The following RALYL variants were observed in gnomAD, a reference collection of about 807,000 sequenced individuals.
RALYL encodes RNA-binding Raly-like protein.
RALYL carries 29 observed loss-of-function variants against 35.1 expected under a neutral mutation model. The ratio of observed to expected loss-of-function variants is 0.83; its 90% CI spans 0.61 to 1.13. The LOEUF is 1.13. Among genes scored for constraint, RALYL ranks in the 50% most tolerant of loss-of-function variants. The pLI is 0.00. For synonymous variants in RALYL, 120 were observed against 127.6 expected (o/e 0.94, Z 0.40); for missense variants, 359 against 360.4 (o/e 1.00, Z 0.03).
At chr8:84,544,726 A>G (rs1196496337) in intron 2 of RALYL, among the ~76,000 whole-genome samples, 1 of 152,066 alleles carries the variant, frequency 6.6e-6, no homozygotes, top group Non-Finnish European at 1.5e-5. Context: ...GATATTTTCA[A>G]CTATCTATCA....
At chr8:84,693,377 C>A (rs1482398468) in intron 2 of RALYL, among the ~76,000 whole-genome samples, 2 of 151,722 alleles carry the variant, frequency 1.3e-5, no homozygotes, top group African/African-American at 4.8e-5. Context: ...AAATGTCAAG[C>A]AAAAGGGGAA....
intron 2 of RALYL, among the ~76,000 whole-genome samples, chr8:84,595,739 CAG>C (rs1392464914): frequency 6.7e-6 from 1 of 148,600 alleles, no homozygotes; most frequent in Non-Finnish European, 1.5e-5. Context: ...TAGAAAATCA[CAG>C]AGAGTGAAGT....
chr8:84,770,168 C>A (rs1815082841), intron 2 of RALYL, among the ~76,000 whole-genome samples: 1 of 152,046 alleles, frequency 6.6e-6, no homozygotes, highest in Non-Finnish European at 1.5e-5. Context: ...ACACTAAACC[C>A]AATTTTTAGT....
chr8:84,380,057 TTG>T (rs60900204), intron 1 of RALYL, among the ~76,000 whole-genome samples: 7,169 of 146,670 alleles, frequency 0.049, 207 homozygotes, highest in Middle Eastern at 0.059. Flanking sequence ...CTTCTCAAAA[TTG>T]TGTGTGTGTG....
At chr8:84,407,777 C>T (rs1436209861) in intron 1 of RALYL, among the ~76,000 whole-genome samples, 4 of 152,040 alleles carry the variant, frequency 2.6e-5, no homozygotes, top group Non-Finnish European at 4.4e-5. Flanking sequence ...ATACATTTTT[C>T]ATCAGAATAA....
At chr8:84,299,084 T>C (rs913252559) in intron 1 of RALYL, among the ~76,000 whole-genome samples, 7 of 152,052 alleles carry the variant, frequency 4.6e-5, no homozygotes, top group Admixed American at 4.6e-4. Context: ...GGACTTGCAG[T>C]ACTATGTTGA....
intron 1 of RALYL, among the ~76,000 whole-genome samples, chr8:84,377,360 A>G (rs1857099087): frequency 6.6e-6 from 1 of 151,624 alleles, no homozygotes; most frequent in Admixed American, 6.6e-5. Context: ...TTTAAAATAA[A>G]TCATGTCCAA....
intron 2 of RALYL, among the ~76,000 whole-genome samples, chr8:84,667,741 C>A (rs1832370624): frequency 6.6e-6 from 1 of 152,052 alleles, no homozygotes; most frequent in Non-Finnish European, 1.5e-5. Context: ...TTGATAACTT[C>A]CTTGTTTCTG....
chr8:84,266,293 T>C (rs1359639869), intron 1 of RALYL, among the ~76,000 whole-genome samples: 1 of 152,122 alleles, frequency 6.6e-6, no homozygotes, highest in African/African-American at 2.4e-5. Context: ...ATTCAAACCC[T>C]AGTTCTCTTT....
chr8:84,690,501 A>C (rs1837813080), intron 2 of RALYL, among the ~76,000 whole-genome samples: 1 of 152,054 alleles, frequency 6.6e-6, no homozygotes, highest in South Asian at 2.1e-4. Context: ...GTAGACCTTA[A>C]ATGGTCTCAT....
intron 3 of RALYL, among the ~76,000 whole-genome samples, chr8:84,798,948 T>C (rs1046901467): frequency 1.3e-5 from 2 of 152,178 alleles, no homozygotes; most frequent in Admixed American, 1.3e-4. Flanking sequence ...ACTGAAGTCA[T>C]AGAAGACAAA....
chr8:84,706,937 G>A (rs942690078), intron 2 of RALYL, among the ~76,000 whole-genome samples: 2 of 152,032 alleles, frequency 1.3e-5, no homozygotes, highest in Non-Finnish European at 2.9e-5. Context: ...TCATAGACAG[G>A]TAACGGCAAC....
chr8:84,387,274 T>G (rs891890264), intron 1 of RALYL, among the ~76,000 whole-genome samples: 1 of 151,866 alleles, frequency 6.6e-6, no homozygotes, highest in Non-Finnish European at 1.5e-5. Flanking sequence ...TAATGATTAC[T>G]GAATGGCCTG....
At chr8:84,184,778 C>G (rs552587001) in intron 1 of RALYL, 1 of 513,190 alleles carries the variant, frequency 1.9e-6, no homozygotes, top group African/African-American at 2.0e-5. Context: ...CCGAGGGCCA[C>G]TTGCACAGCA....
At chr8:84,576,265 A>C (rs1809401901) in intron 2 of RALYL, among the ~76,000 whole-genome samples, 1 of 152,222 alleles carries the variant, frequency 6.6e-6, no homozygotes, top group South Asian at 2.1e-4. Context: ...CTATGAATAT[A>C]AACAAAAAAA....
chr8:84,694,995 G>C (rs191813923), intron 2 of RALYL, among the ~76,000 whole-genome samples: 1 of 151,904 alleles, frequency 6.6e-6, no homozygotes, highest in African/African-American at 2.4e-5. Context: ...AACATTTATA[G>C]ATGAGGGAAC....
chr8:84,831,136 T>C (rs766714449), intron 4 of RALYL, among the ~76,000 whole-genome samples: 31 of 152,138 alleles, frequency 2.0e-4, no homozygotes, highest in Non-Finnish European at 3.4e-4. Flanking sequence ...AAGATGACAA[T>C]TTTATAGAAC....
chr8:84,327,002 A>G (rs980408896), intron 1 of RALYL, among the ~76,000 whole-genome samples: 13 of 152,182 alleles, frequency 8.5e-5, no homozygotes, highest in Non-Finnish European at 1.3e-4. Flanking sequence ...TATTCATGAG[A>G]TTTCTGTGGT....
At chr8:84,461,836 C>A (rs539009824) in intron 1 of RALYL, among the ~76,000 whole-genome samples, 1 of 151,552 alleles carries the variant, frequency 6.6e-6, no homozygotes, top group South Asian at 2.1e-4. Context: ...TCATTTCTCC[C>A]CCTATCATTA....
Sources: gnomAD v4.1 joint callset for allele counts (sites outside exome capture counted in the v4.1 genomes callset) on GRCh38, gnomAD v4.1.1 for gene constraint, MANE v1.5 for transcripts, NCBI Gene and HGNC (gene_info 2026-07-23, HGNC 2026-07-21) for gene names.